The following RAMP1 variants were observed in gnomAD, a reference collection of about 807,000 sequenced individuals.
RAMP1 encodes receptor activity-modifying protein 1.
A neutral mutation model predicts 8.2 loss-of-function variants in RAMP1; 7 were observed. The ratio of observed to expected loss-of-function variants is 0.85; its 90% CI spans 0.49 to 1.60. The LOEUF (loss-of-function observed/expected upper bound fraction) is 1.60, where lower values mean the gene tolerates loss of function less well. Among genes scored for constraint, RAMP1 ranks in the 40% most tolerant of loss-of-function variants. The pLI is 0.00. For synonymous variants in RAMP1, 92 were observed against 84.7 expected (o/e 1.09, Z -0.47); for missense variants, 192 against 202.4 (o/e 0.95, Z 0.31).
intron 2 of RAMP1, among the ~76,000 whole-genome samples, chr2:237,886,682 T>C (rs1465969754): frequency 6.6e-6 from 1 of 152,174 alleles, no homozygotes; most frequent in African/African-American, 2.4e-5. Context: ...GGAGAGACCT[T>C]CCCCAGACCC....
chr2:237,909,222 G>A (rs1156387484), intron 2 of RAMP1, among the ~76,000 whole-genome samples: 3 of 152,160 alleles, frequency 2.0e-5, no homozygotes, highest in East Asian at 1.9e-4. Context: ...GTGGTGAGGT[G>A]TGAGACCCGT....
intron 2 of RAMP1, among the ~76,000 whole-genome samples, chr2:237,896,987 A>G (rs2062548706): frequency 6.6e-6 from 1 of 152,146 alleles, no homozygotes; most frequent in Admixed American, 6.5e-5. Context: ...AGGCCTTTAA[A>G]TGTCCTGGGG....
intron 2 of RAMP1, among the ~76,000 whole-genome samples, chr2:237,880,246 G>C (rs774684920): frequency 2.6e-5 from 4 of 152,158 alleles, no homozygotes; most frequent in African/African-American, 9.7e-5. Context: ...GGATCATCCC[G>C]GGGCCCGGTG....
intron 1 of RAMP1, among the ~76,000 whole-genome samples, chr2:237,872,536 C>A (rs2062257513): frequency 6.6e-6 from 1 of 152,234 alleles, no homozygotes; most frequent in South Asian, 2.1e-4. Flanking sequence ...ACATGGGTCA[C>A]CCACAGCCTT....
intron 2 of RAMP1, among the ~76,000 whole-genome samples, chr2:237,899,907 G>C (rs1455817546): frequency 6.6e-6 from 1 of 152,040 alleles, no homozygotes; most frequent in Non-Finnish European, 1.5e-5. Context: ...GTGAGAACCT[G>C]TCTCAATTAA....
At chr2:237,902,484 C>T (rs912885925) in intron 2 of RAMP1, among the ~76,000 whole-genome samples, 2 of 152,038 alleles carry the variant, frequency 1.3e-5, no homozygotes, top group African/African-American at 4.8e-5. Context: ...GGGGGGAACA[C>T]AGCGAGGAGG....
Position 237,859,632 on chromosome 2 carries a change from C to A in RAMP1, c.-44C>A. 1 of 1,399,770 alleles carries A rather than the reference C, an allele frequency of 7.1e-7. No homozygotes were observed. The highest frequency in any genetic ancestry group is 3.1e-5 in the East Asian group (1 of 31,752). The allele number at this position is 1,399,770 out of a possible 1,614,324, so 86.7% of individuals were successfully genotyped here. Reference sequence around the variant, plus strand: ...GCGCCGCGGCGGGCTCAGTCCTCAGCGGGGCGCGTGGCGAGCGGACTCGAC... The same window carrying A: ...GCGCCGCGGCGGGCTCAGTCCTCAGAGGGGCGCGTGGCGAGCGGACTCGAC... On this transcript the variant is annotated 5_prime_UTR_variant, in exon 1 of 3. Transcript: ENST00000254661.
intron 1 of RAMP1, among the ~76,000 whole-genome samples, chr2:237,873,515 C>T (rs1264467112): frequency 6.6e-6 from 1 of 152,146 alleles, no homozygotes; most frequent in Non-Finnish European, 1.5e-5. Flanking sequence ...GGGCGCTGTC[C>T]TGCTGTGGAG....
chr2:237,868,371 T>G (rs1400152144), intron 1 of RAMP1, among the ~76,000 whole-genome samples: 1 of 152,282 alleles, frequency 6.6e-6, no homozygotes, highest in East Asian at 1.9e-4. Flanking sequence ...GTAGCAGTGA[T>G]GTTGTTTTAC....
At chr2:237,906,686 C>CT (rs1256608160) in intron 2 of RAMP1, among the ~76,000 whole-genome samples, 2 of 134,066 alleles carry the variant, frequency 1.5e-5, no homozygotes, top group Non-Finnish European at 3.2e-5. Context: ...CTCTCAGCTG[C>CT]TTTTTTCTCA....
At chr2:237,904,866 C>A (rs2062637848) in intron 2 of RAMP1, among the ~76,000 whole-genome samples, 1 of 152,146 alleles carries the variant, frequency 6.6e-6, no homozygotes, top group Admixed American at 6.5e-5. Flanking sequence ...GAACCCAGGT[C>A]TATGGGTGAC....
chr2:237,889,980 C>G (rs1332100260), intron 2 of RAMP1, among the ~76,000 whole-genome samples: 1 of 152,200 alleles, frequency 6.6e-6, no homozygotes, highest in African/African-American at 2.4e-5. Context: ...ACCAAGCATG[C>G]AGTGCCAAGT....
At chr2:237,892,058 T>C (rs541704028) in intron 2 of RAMP1, among the ~76,000 whole-genome samples, 2 of 152,320 alleles carry the variant, frequency 1.3e-5, no homozygotes, top group East Asian at 3.9e-4. Context: ...CTTTTTAGTC[T>C]TCCTATTTTG....
At chr2:237,881,984 G>A (rs973153679) in intron 2 of RAMP1, among the ~76,000 whole-genome samples, 1 of 149,060 alleles carries the variant, frequency 6.7e-6, no homozygotes, top group African/African-American at 2.5e-5. Context: ...AGAGGGATTT[G>A]CCACGTTTTC....
chr2:237,891,051 A>C (rs2062482485), intron 2 of RAMP1, among the ~76,000 whole-genome samples: 1 of 152,116 alleles, frequency 6.6e-6, no homozygotes. Flanking sequence ...ACTTTTCTTG[A>C]AAATAATAAA....
At chr2:237,863,777 C>T (rs1210914446) in intron 1 of RAMP1, among the ~76,000 whole-genome samples, 3 of 151,928 alleles carry the variant, frequency 2.0e-5, no homozygotes, top group Admixed American at 6.6e-5. Context: ...TCAGCTCTCT[C>T]GGTGACTCCT....
rs954240011 is a variant in RAMP1, at chr2:237,878,374, G to T, written c.191+1012G>T. Among the ~76,000 whole-genome samples the T allele has an allele frequency of 2.6e-5, 4 of 152,252 alleles. No homozygotes were observed. The East Asian group carries it at 7.7e-4, about 29-fold the overall frequency. On this transcript the variant is annotated intron_variant, in intron 2 of 2. Coordinates refer to ENST00000254661, the MANE Select transcript of RAMP1 (RefSeq NM_005855.4). The surrounding 1 kb of genome is among the most constrained non-coding windows in gnomAD (Gnocchi z 5.7). ...TCACACACGAAGAGTACCTGTGGCT[G>T]TGGTGTCCCCTGAGGGTCCAGACAC...
intron 1 of RAMP1, among the ~76,000 whole-genome samples, chr2:237,873,953 A>T (rs1238537056): frequency 2.6e-5 from 4 of 152,234 alleles, no homozygotes; most frequent in African/African-American, 9.6e-5. Flanking sequence ...GCGGGAAAGA[A>T]AGGGCAGCAC....
rs1292312668 is a variant in RAMP1, at chr2:237,865,805, G to A, written c.52+6078G>A. Reference sequence around the variant, plus strand: ...GAGGACGGCCAGGGAGGACAGAGAAGGAAACGGGCCCCAGGCACCACTGGG... The same window carrying A: ...GAGGACGGCCAGGGAGGACAGAGAAAGAAACGGGCCCCAGGCACCACTGGG... On this transcript the variant is annotated intron_variant, in intron 1 of 2. Coordinates refer to ENST00000254661, the MANE Select transcript of RAMP1 (RefSeq NM_005855.4). This position sits in a 1 kb window ranked among gnomAD's most constrained non-coding sequence, Gnocchi z 4.2. Among the ~76,000 whole-genome samples the A allele has an allele frequency of 1.3e-5, 2 of 152,084 alleles. No individual in the cohort carries two copies. Among genetic ancestry groups the A allele is most frequent in the Non-Finnish European group, 2.9e-5 (2 of 68,014 alleles).
Sources: gnomAD v4.1 joint callset for allele counts (sites outside exome capture counted in the v4.1 genomes callset) on GRCh38, gnomAD v4.1.1 for gene constraint, Gnocchi (gnomAD v3.1) non-coding constraint, MANE v1.5 for transcripts, NCBI Gene and HGNC (gene_info 2026-07-23, HGNC 2026-07-21) for gene names.